NPAS3: variants seen among roughly 807,000 people sequenced by gnomAD.
NPAS3 encodes neuronal PAS domain-containing protein 3.
Under a neutral mutation model 73.1 loss-of-function variants are expected in NPAS3, and 14 were observed. That is an observed-to-expected ratio of 0.19 (90% CI 0.13 to 0.30). The LOEUF is 0.30. Ranked by LOEUF, NPAS3 falls within the 10% of genes least tolerant of loss-of-function variation. The probability of loss-of-function intolerance (pLI) is 1.00; values close to 1 mark genes in which losing one functional copy is unlikely to be tolerated. For missense variants in NPAS3, 1,096 were observed against 1,250.0 expected (o/e 0.88, Z 1.86); for synonymous variants, 620 against 541.5 (o/e 1.14, Z -2.01).
At chr14:33,341,121 T>A (rs1039661390) in intron 3 of NPAS3, among the ~76,000 whole-genome samples, 14 of 152,260 alleles carry the variant, frequency 9.2e-5, no homozygotes, top group African/African-American at 3.4e-4. Context: ...TTACTTCCAA[T>A]TAATCTTTAT....
At chr14:33,038,272 T>C (rs1444448652) in intron 1 of NPAS3, among the ~76,000 whole-genome samples, 3 of 152,058 alleles carry the variant, frequency 2.0e-5, no homozygotes, top group African/African-American at 7.2e-5. Context: ...ACTTACAAAA[T>C]AGCAAAGGAG....
intron 5 of NPAS3, among the ~76,000 whole-genome samples, chr14:33,584,038 T>C (rs2056773483): frequency 6.6e-6 from 1 of 152,214 alleles, no homozygotes; most frequent in African/African-American, 2.4e-5. Context: ...TAATGTAGAC[T>C]ATAACCACTG....
chr14:33,667,595 G>T (rs573122773), intron 5 of NPAS3, among the ~76,000 whole-genome samples: 1 of 152,188 alleles, frequency 6.6e-6, no homozygotes, highest in Non-Finnish European at 1.5e-5. Context: ...CACCTAGAGA[G>T]TGTTTAGGGT....
At chr14:33,070,069 T>C (rs1051945889) in intron 2 of NPAS3, among the ~76,000 whole-genome samples, 1 of 152,226 alleles carries the variant, frequency 6.6e-6, no homozygotes, top group Non-Finnish European at 1.5e-5. Flanking sequence ...TTTCTTATTA[T>C]TTTTTAGCTT....
intron 2 of NPAS3, among the ~76,000 whole-genome samples, chr14:33,110,429 CT>C (rs1489580238): frequency 6.6e-6 from 1 of 152,168 alleles, no homozygotes; most frequent in African/African-American, 2.4e-5. Context: ...AATAGGACTT[CT>C]TAAAGCATTT....
intron 4 of NPAS3, among the ~76,000 whole-genome samples, chr14:33,394,386 A>G (rs2047134545): frequency 6.6e-6 from 1 of 152,172 alleles, no homozygotes; most frequent in Admixed American, 6.5e-5. Flanking sequence ...GAACACAGTT[A>G]CTTAATATCA....
intron 7 of NPAS3, among the ~76,000 whole-genome samples, chr14:33,742,666 A>G (rs1348664347): frequency 1.3e-5 from 2 of 152,200 alleles, no homozygotes; most frequent in African/African-American, 2.4e-5. Context: ...TAAGACAACA[A>G]TGAAGTTTGT....
intron 4 of NPAS3, among the ~76,000 whole-genome samples, chr14:33,458,626 G>A (rs1437445361): frequency 6.6e-6 from 1 of 152,176 alleles, no homozygotes; most frequent in Non-Finnish European, 1.5e-5. Context: ...TTTGAAATGA[G>A]ATTTCACTTT....
At chr14:33,677,307 T>C (rs2059797160) in intron 6 of NPAS3, among the ~76,000 whole-genome samples, 2 of 152,198 alleles carry the variant, frequency 1.3e-5, no homozygotes, top group Non-Finnish European at 2.9e-5. Flanking sequence ...GGTGGAGTGC[T>C]TGGCCAAGCA....
chr14:33,248,275 C>T (rs1305155001), intron 3 of NPAS3, among the ~76,000 whole-genome samples: 1 of 152,204 alleles, frequency 6.6e-6, no homozygotes, highest in Non-Finnish European at 1.5e-5. Context: ...AGTCTGGACA[C>T]TGCCACGTTG....
chr14:33,164,539 TAAAAAA>T (rs927385939), intron 2 of NPAS3, among the ~76,000 whole-genome samples: 1 of 151,420 alleles, frequency 6.6e-6, no homozygotes, highest in East Asian at 1.9e-4. Flanking sequence ...ATGAACAACT[TAAAAAA>T]AAACCACAGA....
chr14:33,636,266 T>C (rs2058512560), intron 5 of NPAS3, among the ~76,000 whole-genome samples: 1 of 152,220 alleles, frequency 6.6e-6, no homozygotes, highest in Non-Finnish European at 1.5e-5. Flanking sequence ...CTGCCTGTAA[T>C]AGGTGTTCAC....
intron 1 of NPAS3, among the ~76,000 whole-genome samples, chr14:33,051,048 G>T (rs1049042662): frequency 7.9e-5 from 12 of 152,074 alleles, no homozygotes; most frequent in African/African-American, 2.4e-4. Flanking sequence ...GCCGAGGCGG[G>T]TGGATCACGA....
chr14:33,777,422 C>CT (rs148401803), intron 8 of NPAS3, among the ~76,000 whole-genome samples: 1 of 152,202 alleles, frequency 6.6e-6, no homozygotes, highest in African/African-American at 2.4e-5. Flanking sequence ...AATTATGTTT[C>CT]TTTTTTTGTT....
chr14:33,147,227 G>C (rs2044267251), intron 2 of NPAS3, among the ~76,000 whole-genome samples: 1 of 152,088 alleles, frequency 6.6e-6, no homozygotes, highest in African/African-American at 2.4e-5. Flanking sequence ...TGCCCTTGCT[G>C]AAGTGAATAA....
intron 5 of NPAS3, among the ~76,000 whole-genome samples, chr14:33,632,384 T>G (rs1303608583): frequency 6.6e-6 from 1 of 152,188 alleles, no homozygotes; most frequent in African/African-American, 2.4e-5. Context: ...AGACTATAAT[T>G]TTTAAAATGT....
chr14:33,267,751 A>C (rs955522166), intron 3 of NPAS3, among the ~76,000 whole-genome samples: 7 of 152,190 alleles, frequency 4.6e-5, no homozygotes, highest in Admixed American at 3.3e-4. Flanking sequence ...ACTGTATTAC[A>C]GATTTCCTGA....
intron 2 of NPAS3, among the ~76,000 whole-genome samples, chr14:33,155,919 G>A (rs1211415312): frequency 6.6e-6 from 1 of 152,130 alleles, no homozygotes; most frequent in Non-Finnish European, 1.5e-5. Context: ...CTCTTCAGAT[G>A]CCCTCTGTCA....
chr14:33,096,038 T>C (rs562340171), intron 2 of NPAS3, among the ~76,000 whole-genome samples: 1 of 150,598 alleles, frequency 6.6e-6, no homozygotes, highest in Non-Finnish European at 1.5e-5. Flanking sequence ...TAATCTAGTG[T>C]GCATGGATAC....
Sources: allele counts gnomAD v4.1 joint callset (sites outside exome capture counted in the v4.1 genomes callset), GRCh38; gene constraint gnomAD v4.1.1; transcripts MANE v1.5; gene names NCBI Gene and HGNC (gene_info 2026-07-23, HGNC 2026-07-21).